ATRX: variants seen among roughly 807,000 people sequenced by gnomAD.
The protein encoded by ATRX is ATRX chromatin remodeler, also known as chromatin remodeler ATRX.
In ATRX, 12 loss-of-function variants were observed where a neutral mutation model predicts 172.6. The observed-to-expected ratio is 0.07, with a 90% confidence interval of 0.04 to 0.11. The LOEUF (loss-of-function observed/expected upper bound fraction) is 0.11, where lower values mean the gene tolerates loss of function less well. Ranked by LOEUF, ATRX falls within the 10% of genes least tolerant of loss-of-function variation. The pLI, the probability that ATRX is intolerant of heterozygous loss-of-function variation, is 1.00. For missense variants in ATRX, 1,368 were observed against 1,767.4 expected (o/e 0.77, Z 4.05); for synonymous variants, 674 against 594.7 (o/e 1.13, Z -1.94).
chrX:77,558,392 T>G (rs1262046189), intron 29 of ATRX, among the ~76,000 whole-genome samples: 3 of 111,439 alleles, frequency 2.7e-5, no homozygotes, highest in Non-Finnish European at 5.7e-5. Flanking sequence ...AGCCCAGATT[T>G]GGAGGCAGGC....
At chrX:77,664,084 A>C (rs1557124600) in intron 11 of ATRX, among the ~76,000 whole-genome samples, 4 of 107,709 alleles carry the variant, frequency 3.7e-5, no homozygotes, top group African/African-American at 1.4e-4. Context: ...CTGGGCAACA[A>C]GAGCAAAACT....
At chrX:77,743,998 C>A (rs1463566200) in intron 1 of ATRX, among the ~76,000 whole-genome samples, 1 of 112,489 alleles carries the variant, frequency 8.9e-6, no homozygotes, top group African/African-American at 3.2e-5. Flanking sequence ...CCACAGACAC[C>A]ATTAATGCTA....
chrX:77,616,424 GCTT>G (rs782262115), intron 22 of ATRX, 186 bp downstream of exon 22: 14 of 1,112,446 alleles, frequency 1.3e-5, no homozygotes, highest in Non-Finnish European at 1.7e-5. Context: ...TCATCAATTT[GCTT>G]CTTGATTTTA....
At chrX:77,645,101 A>C (rs1433691865) in intron 15 of ATRX, among the ~76,000 whole-genome samples, 3 of 111,474 alleles carry the variant, frequency 2.7e-5, no homozygotes, top group Non-Finnish European at 5.6e-5. Flanking sequence ...GTGACAATAT[A>C]TTTCAAAGTG....
intron 1 of ATRX, among the ~76,000 whole-genome samples, chrX:77,785,584 C>A (rs1369069188): frequency 1.0e-5 from 1 of 95,474 alleles, no homozygotes; most frequent in Non-Finnish European, 2.1e-5. Context: ...TTCTCACCCT[C>A]CCCCCGCTTC....
chrX:77,707,422 A>G (rs1048728953), intron 2 of ATRX, among the ~76,000 whole-genome samples: 2 of 112,734 alleles, frequency 1.8e-5, no homozygotes, highest in Non-Finnish European at 3.7e-5. Flanking sequence ...TTACAAATCA[A>G]CAATGAAAGC....
chrX:77,544,449 C>G (rs970120766), intron 30 of ATRX, among the ~76,000 whole-genome samples: 4 of 109,661 alleles, frequency 3.6e-5, no homozygotes, highest in Non-Finnish European at 5.7e-5. Flanking sequence ...TAAGTTTTAG[C>G]GTACATGTGC....
At chrX:77,518,519 T>C (rs2063125972) in intron 34 of ATRX, among the ~76,000 whole-genome samples, 1 of 111,843 alleles carries the variant, frequency 8.9e-6, no homozygotes, top group African/African-American at 3.2e-5. Flanking sequence ...TACAAAAAAA[T>C]GAAAAGATCT....
chrX:77,756,966 A>G (rs2075523424), intron 1 of ATRX, among the ~76,000 whole-genome samples: 1 of 110,394 alleles, frequency 9.1e-6, no homozygotes, highest in Admixed American at 9.7e-5. Flanking sequence ...TTGTATTTTT[A>G]GTAGAGACGA....
chrX:77,751,653 T>C (rs2075303255), intron 1 of ATRX, among the ~76,000 whole-genome samples: 1 of 112,329 alleles, frequency 8.9e-6, no homozygotes, highest in African/African-American at 3.2e-5. Context: ...TTTTAGGTTT[T>C]ACATTTAAGT....
At chrX:77,601,360 C>CCT (rs2066666685) in intron 22 of ATRX, among the ~76,000 whole-genome samples, 1 of 107,339 alleles carries the variant, frequency 9.3e-6, no homozygotes, top group African/African-American at 3.4e-5. Flanking sequence ...CCCTAGATAC[C>CCT]CTAGATACTT....
intron 1 of ATRX, among the ~76,000 whole-genome samples, chrX:77,750,188 C>A (rs2075244567): frequency 9.0e-6 from 1 of 111,339 alleles, no homozygotes; most frequent in African/African-American, 3.3e-5. Context: ...TCACTGTGCA[C>A]AATTTATAAG....
intron 29 of ATRX, 83 bp downstream of exon 29, chrX:77,558,586 G>T (rs782695822): frequency 1.1e-5 from 10 of 889,815 alleles, no homozygotes; most frequent in Non-Finnish European, 1.4e-5. Context: ...TTCCCTCTCT[G>T]TAATACACAT....
At chrX:77,546,684 A>G (rs1285444502) in intron 30 of ATRX, among the ~76,000 whole-genome samples, 2 of 111,238 alleles carry the variant, frequency 1.8e-5, no homozygotes, top group Non-Finnish European at 3.8e-5. Flanking sequence ...GAGTCTTGCC[A>G]CGTTGACCAG....
At chrX:77,590,544 G>A (rs1263144540) in intron 26 of ATRX, among the ~76,000 whole-genome samples, 2 of 105,803 alleles carry the variant, frequency 1.9e-5, no homozygotes, top group African/African-American at 3.5e-5. Flanking sequence ...CCCAGGAGGC[G>A]GAGCTTGCAG....
chrX:77,685,152 C>T, intron 7 of ATRX, 146 bp from the exon 8 acceptor site: 1 of 477,832 alleles, frequency 2.1e-6, no homozygotes, highest in Admixed American at 3.7e-5. Context: ...GAGCATATTA[C>T]ACAAGCTCAG....
intron 1 of ATRX, among the ~76,000 whole-genome samples, chrX:77,765,670 A>AT (rs782415152): frequency 6.8e-4 from 72 of 105,760 alleles, no homozygotes; most frequent in Non-Finnish European, 1.3e-3. Context: ...CAATTTTCTC[A>AT]TTTTTTTTTA....
At chrX:77,560,406 T>C (rs1298256119) in intron 28 of ATRX, among the ~76,000 whole-genome samples, 1 of 110,831 alleles carries the variant, frequency 9.0e-6, no homozygotes, top group East Asian at 2.8e-4. Context: ...ATATACAATA[T>C]GTATTATGAA....
At chrX:77,762,228 C>T (rs1468491093) in intron 1 of ATRX, among the ~76,000 whole-genome samples, 5 of 101,147 alleles carry the variant, frequency 4.9e-5, no homozygotes, top group Non-Finnish European at 9.8e-5. Context: ...GGCATGAATC[C>T]GGGAGGTGGA....
Sources: allele counts gnomAD v4.1 joint callset (sites outside exome capture counted in the v4.1 genomes callset), GRCh38; gene constraint gnomAD v4.1.1; transcripts MANE v1.5; gene names NCBI Gene and HGNC (gene_info 2026-07-23, HGNC 2026-07-21).